The following HNRNPUL2 variants were observed in gnomAD, a reference collection of about 807,000 sequenced individuals.
HNRNPUL2 encodes the protein heterogeneous nuclear ribonucleoprotein U-like protein 2.
Under a neutral mutation model 102.2 loss-of-function variants are expected in HNRNPUL2, and 27 were observed. The observed-to-expected ratio is 0.26, with a 90% CI of 0.19 to 0.36. The LOEUF is 0.36. Among genes scored for constraint, HNRNPUL2 ranks in the 10% least tolerant of loss-of-function variants. The pLI is 1.00. For synonymous variants in HNRNPUL2, 458 were observed against 387.2 expected (o/e 1.18, Z -2.15); for missense variants, 936 against 981.1 (o/e 0.95, Z 0.61).
At chr11:62,723,503 G>A in intron 4 of HNRNPUL2, 84 bp downstream of exon 4, 2 of 1,371,150 alleles carry the variant, frequency 1.5e-6, no homozygotes, top group Non-Finnish European at 9.9e-7. Flanking sequence ...AAAAAAAAGA[G>A]ATAATAATCT....
At chr11:62,722,943 A>G in intron 4 of HNRNPUL2, 40 bp from the exon 5 acceptor site, 1 of 1,501,592 alleles carries the variant, frequency 6.7e-7, no homozygotes, top group Non-Finnish European at 9.2e-7. Flanking sequence ...TATTGTGACC[A>G]ACTGAGTAGC....
intron 13 of HNRNPUL2, 23 bp downstream of exon 13, chr11:62,715,477 G>C (rs1161467644): frequency 6.3e-7 from 1 of 1,588,860 alleles, no homozygotes; most frequent in African/African-American, 1.3e-5. Flanking sequence ...TTCACCCTGT[G>C]TCTATCCCAA....
intron 1 of HNRNPUL2, 127 bp from the exon 2 acceptor site, chr11:62,724,553 C>T (rs1042960591): frequency 3.1e-6 from 3 of 971,938 alleles, no homozygotes; most frequent in Non-Finnish European, 4.6e-6. Flanking sequence ...ATTCCCACTA[C>T]ATTCACATAA....
intron 9 of HNRNPUL2, among the ~76,000 whole-genome samples, chr11:62,720,546 CAAAAAAAA>C (rs148876571): frequency 1.5e-5 from 2 of 131,514 alleles, no homozygotes; most frequent in African/African-American, 6.4e-5. Context: ...GATTCCATCT[CAAAAAAAA>C]AAAAAAAAAA....
chr11:62,722,022 C>T, intron 7 of HNRNPUL2, 80 bp from the exon 8 acceptor site: 1 of 1,604,528 alleles, frequency 6.2e-7, no homozygotes, highest in Admixed American at 1.7e-5. Context: ...AACATCCTCC[C>T]ATTCCTGTTT....
Position 62,722,732 on chromosome 11 carries a change from T to TA in HNRNPUL2, c.983-20dup. ...TCTTCACCTAGAACAGTCAACAAAT[T>TA]AGTTACCTACAACCGGACTTCCCAT... On this transcript the variant is annotated intron_variant, in intron 5 of 13. Transcript: ENST00000301785. 6.2e-7 allele frequency: 1 copy of TA among 1,609,216 alleles called. No individual in the cohort carries two copies. Among genetic ancestry groups the TA allele is most frequent in the Non-Finnish European group, 8.5e-7 (1 of 1,175,572 alleles).
chr11:62,717,153 T>C lies in HNRNPUL2; in HGVS notation c.1817A>G (p.Asp606Gly). 1 of 1,614,094 alleles carries C rather than the reference T, an allele frequency of 6.2e-7. No individual in the cohort carries two copies. Among genetic ancestry groups the C allele is most frequent in the African/African-American group, 1.3e-5 (1 of 75,028 alleles). Residue 606 changes from aspartate (D) to glycine (G), a missense_variant, in exon 11 of 14, where the codon GAT becomes GGT. Asp to Gly is a moderately conservative substitution (Grantham distance 94, BLOSUM62 -1). Coordinates refer to ENST00000301785, the MANE Select transcript of HNRNPUL2 (RefSeq NM_001079559.3). ...CTCCAGCTCCCCATATGTCACCTCATCCATATAGTCGCATTTTTCAGGCAA... is the reference window on the plus strand; with the variant it reads ...CTCCAGCTCCCCATATGTCACCTCACCCATATAGTCGCATTTTTCAGGCAA... ...FSLPEKCDYMDEVTYGELEKE... is the reference protein window; with the variant it reads ...FSLPEKCDYMGEVTYGELEKE...
rs776394647 is a variant in HNRNPUL2, at chr11:62,726,671, C to T, written c.486G>A (p.Gly162=). The T allele has an allele frequency of 5.0e-6, 8 of 1,599,946 alleles. No homozygotes were observed. The highest frequency in any genetic ancestry group is 5.9e-6 in the Non-Finnish European group (7 of 1,179,368). The change falls in exon 1 of 14, where the codon GGG becomes GGA. Residue 162 remains glycine (G), a synonymous_variant. Transcript: ENST00000301785. ...REEDEPEERS[G]DETPGSEVPG... is the part of the protein sequence containing the mutation. Reference sequence around the variant, plus strand: ...GCACCTCGGATCCCGGCGTCTCGTCCCCGCTCCGCTCCTCGGGTTCGTCTT... The same window carrying T: ...GCACCTCGGATCCCGGCGTCTCGTCTCCGCTCCGCTCCTCGGGTTCGTCTT...
At position 62,714,211 on chromosome 11, in the gene HNRNPUL2, C is replaced by A. The variant is rs2083641249; in HGVS notation, c.*1088G>T. 1 of 151,428 alleles carries A rather than the reference C, an allele frequency of 6.6e-6. No individual in the cohort carries two copies. Among genetic ancestry groups the A allele is most frequent in the Non-Finnish European group, 1.5e-5 (1 of 67,882 alleles). 9.4% of individuals were successfully genotyped at this position (151,428 alleles called of 1,614,324 possible). On this transcript the variant is annotated 3_prime_UTR_variant, in exon 14 of 14. Transcript: ENST00000301785. Reference sequence around the variant, plus strand: ...CAAAAAAACCAGCAGGGCACGAGCCCTCCACACTGTAGAAAATAGTTGCTA... The same window carrying A: ...CAAAAAAACCAGCAGGGCACGAGCCATCCACACTGTAGAAAATAGTTGCTA...
chr11:62,724,495 G>A (rs1184848045), intron 1 of HNRNPUL2, 69 bp from the exon 2 acceptor site: 2 of 1,536,652 alleles, frequency 1.3e-6, no homozygotes, highest in African/African-American at 1.4e-5. Context: ...ACAACTAATA[G>A]ACACTAACAG....
chr11:62,721,457 C>A (rs778558229), intron 8 of HNRNPUL2, 34 bp from the exon 9 acceptor site: 140 of 1,526,370 alleles, frequency 9.2e-5, no homozygotes, highest in Non-Finnish European at 1.2e-4. Flanking sequence ...AAAAAAAAAA[C>A]AAAACACAAG....
chr11:62,726,902 G>GTCCTCC lies in HNRNPUL2; in HGVS notation c.249_254dup (p.Glu83_Glu84dup), dbSNP rs746596459. On this transcript the variant is annotated inframe_insertion, in exon 1 of 14. Coordinates refer to ENST00000301785, the MANE Select transcript of HNRNPUL2 (RefSeq NM_001079559.3). ...CCTCGTCCTCAAGCAGCGCCTCCTC[G>GTCCTCC]TCCTCCTCCTCCTCCTCTTCGTCCT... 4.5e-6 allele frequency: 7 copies of GTCCTCC among 1,556,008 alleles called. No homozygotes were observed. The highest frequency in any genetic ancestry group is 2.8e-5 in the African/African-American group (2 of 71,454).
chr11:62,726,960 G>A lies in HNRNPUL2; in HGVS notation c.197C>T (p.Ala66Val). Residue 66 changes from alanine (A) to valine (V), a missense_variant, in exon 1 of 14, where the codon GCG (alanine) becomes GTG (valine). Ala to Val is a moderately conservative substitution (Grantham distance 64). This residue lies in a region of HNRNPUL2 where 327 missense variants were observed against 268.1 expected (regional missense o/e 1.22). Coordinates refer to ENST00000301785, the MANE Select transcript of HNRNPUL2 (RefSeq NM_001079559.3). ...GTCCCCGCCCGGGCCGCCGCCCGAC[G>A]CGGCCACAGGCCGAGGCTCCGCCTT... ...ACKAEPRPVA[A>V]SGGGPGGDEE... is the part of the protein sequence containing the mutation. 2.8e-6 allele frequency: 4 copies of A among 1,450,162 alleles called. No homozygotes were observed. Among genetic ancestry groups the A allele is most frequent in the Non-Finnish European group, 3.6e-6 (4 of 1,109,684 alleles). 89.8% of individuals were successfully genotyped at this position (1,450,162 alleles called of 1,614,324 possible).
intron 9 of HNRNPUL2, 134 bp from the exon 10 acceptor site, chr11:62,720,325 C>CAGAGATG: frequency 1.4e-6 from 1 of 730,758 alleles, no homozygotes. Context: ...GTGGGCAGAT[C>CAGAGATG]ATCTCAGGTC....
chr11:62,724,036 CTT>C, intron 2 of HNRNPUL2, 46 bp from the exon 3 acceptor site: 2 of 1,482,788 alleles, frequency 1.3e-6, no homozygotes, highest in Non-Finnish European at 1.9e-6. Context: ...ACAAAGCCCT[CTT>C]CTTTGAGGGG....
chr11:62,719,602 C>T (rs749612866), intron 10 of HNRNPUL2, among the ~76,000 whole-genome samples: 2 of 152,174 alleles, frequency 1.3e-5, no homozygotes, highest in Non-Finnish European at 2.9e-5. Flanking sequence ...TAAGAGACCT[C>T]AATAAGGTGT....
At chr11:62,724,539 G>A (rs1200196755) in intron 1 of HNRNPUL2, 113 bp from the exon 2 acceptor site, 8 of 1,131,916 alleles carry the variant, frequency 7.1e-6, no homozygotes, top group South Asian at 2.9e-5. Flanking sequence ...AAAACAGCCA[G>A]GTTATTCCCA....
intron 9 of HNRNPUL2, 111 bp downstream of exon 9, chr11:62,721,184 T>C (rs2098032627): frequency 3.9e-6 from 4 of 1,029,696 alleles, no homozygotes; most frequent in Non-Finnish European, 1.4e-6. Flanking sequence ...ATTGCAACCA[T>C]AACACACAAC....
rs552366204 is a variant in HNRNPUL2, at chr11:62,719,056, G to C, written c.1780+967C>G. On this transcript the variant is annotated intron_variant, in intron 10 of 13. Coordinates refer to ENST00000301785, the MANE Select transcript of HNRNPUL2 (RefSeq NM_001079559.3). ...TTGGCCAGGCTGGTTGTGAGCTCCT[G>C]ACCTTGTAATCCACCCACCTCAACC... Among the ~76,000 whole-genome samples the C allele has an allele frequency of 6.6e-5, 10 of 152,132 alleles. No individual in the cohort carries two copies. In the South Asian group the frequency reaches 2.1e-3, roughly 32 times the overall value.
Sources: gnomAD v4.1 joint callset for allele counts (sites outside exome capture counted in the v4.1 genomes callset) on GRCh38, gnomAD v4.1.1 for gene constraint, gnomAD v4.1.1 regional missense constraint, MANE v1.5 for transcripts, NCBI Gene and HGNC (gene_info 2026-07-23, HGNC 2026-07-21) for gene names.